PTPRD: variants seen among roughly 807,000 people sequenced by gnomAD.
PTPRD encodes the protein protein tyrosine phosphatase receptor type D.
PTPRD carries 34 observed loss-of-function variants against 214.5 expected under a neutral mutation model. The observed-to-expected ratio is 0.16, with a 90% CI of 0.12 to 0.21. The LOEUF (loss-of-function observed/expected upper bound fraction) is 0.21. PTPRD is among the 10% of genes least tolerant of loss of function. The pLI is 1.00. For missense variants in PTPRD, 2,545 were observed against 2,398.7 expected (o/e 1.06, Z -1.27); for synonymous variants, 1,128 against 845.7 (o/e 1.33, Z -5.79).
At chr9:9,089,820 G>A (rs559855458) in intron 10 of PTPRD, among the ~76,000 whole-genome samples, 18 of 152,156 alleles carry the variant, frequency 1.2e-4, no homozygotes, top group South Asian at 2.1e-4. Context: ...CCTATAATAT[G>A]TGGGGAAAGC....
At chr9:8,699,610 T>A (rs1283717116) in intron 12 of PTPRD, among the ~76,000 whole-genome samples, 1 of 152,162 alleles carries the variant, frequency 6.6e-6, no homozygotes, top group East Asian at 1.9e-4. Context: ...TTCTACTTGG[T>A]TGGGCCAGTA....
At chr9:9,830,070 C>G (rs998822349) in intron 5 of PTPRD, among the ~76,000 whole-genome samples, 6 of 151,502 alleles carry the variant, frequency 4.0e-5, no homozygotes, top group Admixed American at 2.6e-4. Flanking sequence ...ATCTCTATTT[C>G]TTGGCATTAT....
chr9:10,001,655 T>C (rs2096319236), intron 4 of PTPRD, among the ~76,000 whole-genome samples: 1 of 152,116 alleles, frequency 6.6e-6, no homozygotes, highest in African/African-American at 2.4e-5. Context: ...CCTAACAAAA[T>C]TATTTTTTAA....
chr9:9,311,725 G>T (rs1361299220), intron 9 of PTPRD, among the ~76,000 whole-genome samples: 1 of 152,056 alleles, frequency 6.6e-6, no homozygotes, highest in East Asian at 1.9e-4. Context: ...GAAATTTAAG[G>T]CTTGTAGCTC....
intron 5 of PTPRD, among the ~76,000 whole-genome samples, chr9:9,900,884 A>C (rs2382058): frequency 0.29 from 44,703 of 152,018 alleles, 8,279 homozygotes; most frequent in East Asian, 0.57. Context: ...ATCCGCCCAC[A>C]TTGACCTCCC....
rs1555547617 is a variant in PTPRD at position 10,574,212 on chromosome 9, T to TGTGC, written c.-600+38185_-600+38186insGCAC. Reference sequence around the variant, plus strand: ...GAAATGATAGATGTGTGTGTGTGTGTGCGTGCATGTGTGTGTATTGTTTTA... The same window carrying TGTGC: ...GAAATGATAGATGTGTGTGTGTGTGTGTGCGCGTGCATGTGTGTGTATTGTTTTA... On this transcript the variant is annotated intron_variant, in intron 2 of 45. Transcript: ENST00000381196. Among the ~76,000 whole-genome samples the TGTGC allele has an allele frequency of 2.6e-3, 400 of 151,858 alleles. 3 individuals are homozygous for TGTGC. The highest frequency in any genetic ancestry group is 8.9e-3 in the African/African-American group (369 of 41,388).
chr9:10,466,514 T>C (rs2098994591), intron 2 of PTPRD, among the ~76,000 whole-genome samples: 2 of 148,572 alleles, frequency 1.3e-5, no homozygotes. Flanking sequence ...TCCCAGCTAC[T>C]CGGGAGGCTG....
chr9:8,680,651 C>G (rs928048583), intron 12 of PTPRD, among the ~76,000 whole-genome samples: 7 of 152,144 alleles, frequency 4.6e-5, no homozygotes, highest in Admixed American at 2.6e-4. Context: ...ATTATACTAC[C>G]TAGCAAAATA....
chr9:9,766,296 C>G (rs564563658), intron 6 of PTPRD, among the ~76,000 whole-genome samples: 78 of 152,272 alleles, frequency 5.1e-4, no homozygotes, highest in Non-Finnish European at 9.4e-4. Context: ...ACTATCCCCC[C>G]TATCTTTCAT....
rs540695956 is a variant in PTPRD at position 10,319,645 on chromosome 9, G to A, written c.-545+21318C>T. Among the ~76,000 whole-genome samples, 5 of 152,016 alleles carry A rather than the reference G, an allele frequency of 3.3e-5. No homozygotes were observed. In the South Asian group the frequency reaches 8.3e-4, roughly 25 times the overall value. On this transcript the variant is annotated intron_variant, in intron 3 of 45. Coordinates refer to ENST00000381196, the MANE Select transcript of PTPRD (RefSeq NM_002839.4). Reference sequence around the variant, plus strand: ...TTTAAATAACGGAATGGATATACAGGATTGAAAATGAATGATGATGAATGC... The same window carrying A: ...TTTAAATAACGGAATGGATATACAGAATTGAAAATGAATGATGATGAATGC...
chr9:9,302,477 T>C (rs545258422), intron 9 of PTPRD, among the ~76,000 whole-genome samples: 1 of 49,404 alleles, frequency 2.0e-5, no homozygotes, highest in Admixed American at 2.0e-4. Flanking sequence ...CATTTTAGGT[T>C]GCAGATAAGG....
chr9:9,050,696 C>T (rs2099683290), intron 10 of PTPRD, among the ~76,000 whole-genome samples: 1 of 17,386 alleles, frequency 5.8e-5, no homozygotes, highest in Non-Finnish European at 3.4e-3. Flanking sequence ...TGCTACCTAC[C>T]TCTTAGTAGC....
At chr9:8,790,304 C>T (rs147907059) in intron 11 of PTPRD, among the ~76,000 whole-genome samples, 1 of 152,122 alleles carries the variant, frequency 6.6e-6, no homozygotes, top group Non-Finnish European at 1.5e-5. Context: ...GTGTGAGCCG[C>T]TGCACTTGGC....
At chr9:10,459,372 C>T (rs541493663) in intron 2 of PTPRD, among the ~76,000 whole-genome samples, 58 of 152,166 alleles carry the variant, frequency 3.8e-4, no homozygotes, top group African/African-American at 1.3e-3. Flanking sequence ...TATGTGCATG[C>T]GTCTTTACAG....
intron 5 of PTPRD, among the ~76,000 whole-genome samples, chr9:9,890,474 C>T (rs2072886479): frequency 6.6e-6 from 1 of 152,104 alleles, no homozygotes; most frequent in Admixed American, 6.6e-5. Flanking sequence ...GCTTGGATTA[C>T]AGGTATGAGC....
intron 14 of PTPRD, among the ~76,000 whole-genome samples, chr9:8,567,825 A>T (rs527612330): frequency 1.4e-4 from 21 of 152,262 alleles, no homozygotes; most frequent in African/African-American, 4.6e-4. Context: ...GGTTCTATAC[A>T]TTTATTCATG....
chr9:9,729,302 C>T (rs915400957), intron 7 of PTPRD, among the ~76,000 whole-genome samples: 1 of 152,210 alleles, frequency 6.6e-6, no homozygotes, highest in Admixed American at 6.6e-5. Flanking sequence ...TGTGGCTCTA[C>T]TGTCTCAAAT....
At chr9:8,422,547 C>T (rs190746336) in intron 35 of PTPRD, among the ~76,000 whole-genome samples, 132 of 152,264 alleles carry the variant, frequency 8.7e-4, no homozygotes, top group Non-Finnish European at 1.7e-3. Flanking sequence ...GTCTTCTCTA[C>T]AGTAAAATAA....
At chr9:9,197,711 T>A (rs991927206) in intron 9 of PTPRD, among the ~76,000 whole-genome samples, 3 of 152,208 alleles carry the variant, frequency 2.0e-5, no homozygotes, top group Non-Finnish European at 4.4e-5. Context: ...ATGTCCGGCC[T>A]ATTTTTCTTT....
Sources: allele counts gnomAD v4.1 joint callset (sites outside exome capture counted in the v4.1 genomes callset), GRCh38; gene constraint gnomAD v4.1.1; transcripts MANE v1.5; gene names NCBI Gene and HGNC (gene_info 2026-07-23, HGNC 2026-07-21).